The following RYR2 variants were observed in gnomAD, a reference collection of about 807,000 sequenced individuals.
The protein encoded by RYR2 is cardiac muscle ryanodine receptor-calcium release channel.
RYR2 carries 227 observed loss-of-function variants against 601.1 expected under a neutral mutation model. The ratio of observed to expected loss-of-function variants is 0.38; its 90% CI spans 0.34 to 0.42. The LOEUF is 0.42. RYR2 is among the 10% of genes least tolerant of loss of function. The pLI is 1.00. For missense variants in RYR2, 4,646 were observed against 6,156.5 expected, an observed-to-expected ratio of 0.75 and a Z score of 8.21; for synonymous variants, 2,223 against 2,175.1, an observed-to-expected ratio of 1.02 and a Z score of -0.61.
At chr1:237,342,155 CTTT>C (rs11351962) in intron 3 of RYR2, among the ~76,000 whole-genome samples, 4 of 147,816 alleles carry the variant, frequency 2.7e-5, no homozygotes, top group African/African-American at 9.9e-5. Context: ...AAATAACTTC[CTTT>C]TTTTTTTTTG....
intron 2 of RYR2, among the ~76,000 whole-genome samples, chr1:237,299,551 C>T (rs1180451682): frequency 6.6e-6 from 1 of 152,122 alleles, no homozygotes; most frequent in African/African-American, 2.4e-5. Context: ...AAGAGGTTTC[C>T]TGAGACACCC....
At chr1:237,112,448 AGCTG>A (rs1157603649) in intron 1 of RYR2, among the ~76,000 whole-genome samples, 2 of 152,004 alleles carry the variant, frequency 1.3e-5, no homozygotes, top group Non-Finnish European at 2.9e-5. Flanking sequence ...CTCTTTAGTT[AGCTG>A]GCCTCATGAT....
At chr1:237,228,840 C>T (rs1476214862) in intron 1 of RYR2, among the ~76,000 whole-genome samples, 2 of 152,138 alleles carry the variant, frequency 1.3e-5, no homozygotes, top group Non-Finnish European at 2.9e-5. Context: ...TTGCCAAATT[C>T]TCTTCCTTTT....
intron 10 of RYR2, among the ~76,000 whole-genome samples, chr1:237,392,853 T>TA (rs1702498515): frequency 2.0e-5 from 3 of 152,222 alleles, no homozygotes; most frequent in Admixed American, 2.0e-4. Flanking sequence ...CGAAACTTTT[T>TA]ATTGATTCAA....
At chr1:237,785,850 G>T (rs1695505494) in intron 90 of RYR2, 119 bp from the exon 91 acceptor site, 1 of 738,326 alleles carries the variant, frequency 1.4e-6, no homozygotes, top group Non-Finnish European at 2.4e-6. Context: ...TTTTATCGTG[G>T]TATAAGCAAG....
Position 237,456,797 on chromosome 1 carries a change from C to G in RYR2, c.1612+62C>G, listed in dbSNP as rs1238656348. The G allele has an allele frequency of 1.9e-6, 3 of 1,555,240 alleles. No homozygotes were observed. The African/African-American group carries it at 4.1e-5, about 21-fold the overall frequency. ...TCTATTTAAAATGTCCATAAATGGA[C>G]TAGGTGTGATGGCTCATGCCTGTAA... is the stretch of plus-strand genomic sequence containing the variant. On this transcript the variant is annotated intron_variant, in intron 16 of 104. Transcript: ENST00000366574.
chr1:237,531,173 A>G (rs1311074416), intron 25 of RYR2, among the ~76,000 whole-genome samples: 1 of 152,178 alleles, frequency 6.6e-6, no homozygotes, highest in Admixed American at 6.5e-5. Context: ...TTACTTTTAC[A>G]ATAAAAATAT....
intron 2 of RYR2, among the ~76,000 whole-genome samples, chr1:237,289,175 G>T (rs906627892): frequency 3.3e-5 from 5 of 152,158 alleles, no homozygotes; most frequent in African/African-American, 1.2e-4. Flanking sequence ...GGTCCTGCAG[G>T]AGCAGTCCGC....
chr1:237,112,009 G>A (rs1669529914), intron 1 of RYR2, among the ~76,000 whole-genome samples: 1 of 152,202 alleles, frequency 6.6e-6, no homozygotes, highest in Non-Finnish European at 1.5e-5. Context: ...TGGTGGGTGA[G>A]TGCACCCTAG....
In RYR2 at chr1:237,787,835, A is replaced by G. The variant is rs150678468; in HGVS notation, c.13329-153A>G. 3.9e-4 allele frequency: 282 copies of G among 725,734 alleles called. 2 individuals are homozygous for G. In the African/African-American group the frequency reaches 4.4e-3, roughly 11 times the overall value. The allele number at this position is 725,734 out of a possible 1,614,324, so 45.0% of individuals were successfully genotyped here. ...ACAGAAAATCCTACCCCTGATTCTAAAATTCAGAATATTATCATTCACCGG... is the reference window on the plus strand; with the variant it reads ...ACAGAAAATCCTACCCCTGATTCTAGAATTCAGAATATTATCATTCACCGG... On this transcript the variant is annotated intron_variant, in intron 91 of 104. Transcript: ENST00000366574.
At chr1:237,560,906 T>G (rs1572877269) in intron 27 of RYR2, among the ~76,000 whole-genome samples, 1 of 152,172 alleles carries the variant, frequency 6.6e-6, no homozygotes, top group South Asian at 2.1e-4. Flanking sequence ...TCTGAGTTAG[T>G]GGTGCCAATC....
chr1:237,354,058 T>A (rs2149684215), intron 3 of RYR2, among the ~76,000 whole-genome samples: 1 of 152,324 alleles, frequency 6.6e-6, no homozygotes, highest in Non-Finnish European at 1.5e-5. Context: ...ATTACAACTT[T>A]ATTGTATGTT....
intron 80 of RYR2, among the ~76,000 whole-genome samples, chr1:237,749,582 A>G (rs1391904886): frequency 1.3e-5 from 2 of 151,782 alleles, no homozygotes; most frequent in African/African-American, 2.4e-5. Context: ...TGTGACCTCA[A>G]CCTCTCTGTT....
intron 1 of RYR2, among the ~76,000 whole-genome samples, chr1:237,189,873 A>ATT (rs1553336323): frequency 5.9e-4 from 61 of 104,190 alleles, no homozygotes; most frequent in African/African-American, 2.9e-3. Flanking sequence ...TTTTATTTTT[A>ATT]TTTTTATTTT....
At position 237,595,532 on chromosome 1, in the gene RYR2, G is replaced by T; in HGVS notation, c.4471G>T (p.Gly1491Cys). The change falls in exon 34 of 105, where the codon GGT (glycine) becomes TGT (cysteine). Residue 1491 changes from glycine to cysteine, a missense_variant. By Grantham distance (159) the Gly-to-Cys change is radical (BLOSUM62 -3). Transcript: ENST00000366574. ...CAGCAACTGCTATATGGTATGTGCG[G>T]GTGAGAGCATGAGCCCCGGGCAAGG... Reference protein sequence around the residue: ...KRSNCYMVCAGESMSPGQGRN... With the variant: ...KRSNCYMVCACESMSPGQGRN... 1 of 1,613,554 alleles carries T rather than the reference G, an allele frequency of 6.2e-7. No homozygotes were observed. The highest frequency in any genetic ancestry group is 8.5e-7 in the Non-Finnish European group (1 of 1,179,698).
At position 237,591,550 on chromosome 1, in the gene RYR2, A is replaced by G. The variant is rs59574575; in HGVS notation, c.4161-189A>G. Among the ~76,000 whole-genome samples, 7,738 of 151,996 alleles carry G rather than the reference A, an allele frequency of 0.051. 590 individuals carry two copies. Among genetic ancestry groups the G allele is most frequent in the African/African-American group, 0.17 (6,988 of 41,414 alleles). On this transcript the variant is annotated intron_variant, in intron 31 of 104. Transcript: ENST00000366574. ...CTGAGCAGCATCCTGACCTCCACCC[A>G]CTAGATGCCAGTAGCACTCCATCCC...
At chr1:237,376,405 A>C (rs957184810) in intron 7 of RYR2, among the ~76,000 whole-genome samples, 8 of 152,196 alleles carry the variant, frequency 5.3e-5, no homozygotes, top group Admixed American at 2.0e-4. Flanking sequence ...CAGTAAACAA[A>C]ACATACCAAG....
intron 24 of RYR2, among the ~76,000 whole-genome samples, chr1:237,517,891 A>G (rs1666716839): frequency 6.6e-6 from 1 of 152,134 alleles, no homozygotes; most frequent in African/African-American, 2.4e-5. Context: ...CTCAGATGCC[A>G]ACTTGCTTAG....
chr1:237,583,838 A>C (rs974961168), intron 29 of RYR2, among the ~76,000 whole-genome samples: 7 of 152,138 alleles, frequency 4.6e-5, no homozygotes, highest in Non-Finnish European at 2.9e-5. Context: ...CTGGATTTGC[A>C]TGCTCATCAC....
Sources: gnomAD v4.1 joint callset for allele counts (sites outside exome capture counted in the v4.1 genomes callset) on GRCh38, gnomAD v4.1.1 for gene constraint, MANE v1.5 for transcripts, NCBI Gene and HGNC (gene_info 2026-07-23, HGNC 2026-07-21) for gene names.